Variants in RTN4 observed in about 807,000 individuals in gnomAD.
RTN4 encodes the protein reticulon 4.
RTN4 carries 32 observed loss-of-function variants against 90.4 expected under a neutral mutation model. That is an observed-to-expected ratio of 0.35 (90% CI 0.27 to 0.48). The LOEUF (loss-of-function observed/expected upper bound fraction) is 0.48. RTN4 is among the 20% of genes least tolerant of loss of function. The pLI, the probability that RTN4 is intolerant of heterozygous loss-of-function variation, is 0.99. For synonymous variants in RTN4, 629 were observed against 552.5 expected (o/e 1.14, Z -1.94); for missense variants, 1,706 against 1,430.2 (o/e 1.19, Z -3.11).
upstream of RTN4, among the ~76,000 whole-genome samples, chr2:55,054,407 C>T (rs754903354): frequency 4.1e-4 from 62 of 152,214 alleles, no homozygotes; most frequent in African/African-American, 1.1e-3. Context: ...TACAGCACTA[C>T]GCCAGACACA....
At chr2:55,082,789 T>C (rs1473718865) in intron 1 of RTN4, among the ~76,000 whole-genome samples, 1 of 152,202 alleles carries the variant, frequency 6.6e-6, no homozygotes. Flanking sequence ...ATATGTGTTA[T>C]CTCACTTAAT....
chr2:55,079,795 C>T (rs1668675817), intron 2 of RTN4, among the ~76,000 whole-genome samples: 1 of 152,156 alleles, frequency 6.6e-6, no homozygotes, highest in African/African-American at 2.4e-5. Context: ...TGTCTGAATA[C>T]TGCTGAAATG....
At chr2:54,998,893 G>T (rs954540359) in intron 3 of RTN4, among the ~76,000 whole-genome samples, 4 of 152,054 alleles carry the variant, frequency 2.6e-5, no homozygotes, top group Non-Finnish European at 4.4e-5. Context: ...AACTTTTCTT[G>T]GTTCCTCAAG....
rs1372388542 is a variant in RTN4, at chr2:54,973,575, TC to T, written c.3523del (p.Asp1175MetfsTer13). The T allele has an allele frequency of 2.5e-6, 4 of 1,608,378 alleles. No individual in the cohort carries two copies. In the South Asian group the frequency reaches 4.4e-5, roughly 18 times the overall value. On this transcript the variant is annotated frameshift_variant, in exon 8 of 9. Coordinates refer to ENST00000337526, the MANE Select transcript of RTN4 (RefSeq NM_020532.5). LOFTEE classifies it high-confidence loss of function. Reference sequence around the variant, plus strand: ...TTTAAATACTTACTTAGCCATAGCATCTTTAACATTCTTATTTGCAAGTCCT... The same window carrying T: ...TTTAAATACTTACTTAGCCATAGCATTTTAACATTCTTATTTGCAAGTCCT... ...YLGLANKNVK[D>X]AMAKIQAKIP...
chr2:55,017,339 G>A (rs373507427), intron 3 of RTN4, among the ~76,000 whole-genome samples: 1 of 152,158 alleles, frequency 6.6e-6, no homozygotes, highest in East Asian at 1.9e-4. Flanking sequence ...ATGAACATAT[G>A]TAAGTTCTTA....
chr2:55,047,203 G>A (rs1350800923), intron 1 of RTN4, among the ~76,000 whole-genome samples: 2 of 151,812 alleles, frequency 1.3e-5, no homozygotes, highest in East Asian at 1.9e-4. Context: ...GGTGGCAGGC[G>A]CCTGTAATCC....
upstream of RTN4, among the ~76,000 whole-genome samples, chr2:55,051,270 G>C (rs188648214): frequency 1.4e-3 from 220 of 152,272 alleles, no homozygotes; most frequent in Non-Finnish European, 1.9e-3. Context: ...AAGAGAGTGA[G>C]TCACCCAAAG....
chr2:55,073,496 T>C (rs751649222), intron 2 of RTN4, among the ~76,000 whole-genome samples: 1 of 152,200 alleles, frequency 6.6e-6, no homozygotes, highest in African/African-American at 2.4e-5. Context: ...TGGCAGCAAG[T>C]TGGTATACTT....
chr2:55,071,539 C>A (rs1668512763), intron 2 of RTN4, among the ~76,000 whole-genome samples: 1 of 47,110 alleles, frequency 2.1e-5, no homozygotes, highest in Non-Finnish European at 4.1e-5. Flanking sequence ...GCACCATTTG[C>A]CATCAAAAAA....
At chr2:55,093,103 A>C (rs1668970406) in intron 1 of RTN4, among the ~76,000 whole-genome samples, 1 of 152,228 alleles carries the variant, frequency 6.6e-6, no homozygotes, top group Non-Finnish European at 1.5e-5. Context: ...AGCTGCTTGA[A>C]AATGTCTGTG....
At position 54,982,585 on chromosome 2, in the gene RTN4, C is replaced by T. The variant is rs899771756; in HGVS notation, c.3290G>A (p.Gly1097Asp). The T allele has an allele frequency of 1.2e-6, 2 of 1,613,600 alleles. No individual in the cohort carries two copies. The highest frequency in any genetic ancestry group is 1.3e-5 in the African/African-American group (1 of 74,866). ...TTCCTTTATCGTGCAGTTCACATGA[C>T]CAAGAGCAGAATTACTGTACTTCTG... The part of the protein sequence containing the change: ...LVQKYSNSAL[G>D]HVNCTIKELR... The change falls in exon 5 of 9, where the codon GGT becomes GAT. Residue 1097 changes from glycine to aspartate, a missense_variant. Physicochemically the swap from Gly to Asp is moderately conservative, Grantham distance 94 (BLOSUM62 -1). Coordinates refer to ENST00000337526, the MANE Select transcript of RTN4 (RefSeq NM_020532.5).
chr2:55,027,458 C>T lies in RTN4; in HGVS notation c.641G>A (p.Gly214Asp). The change falls in exon 3 of 9, where the codon GGT becomes GAT. Residue 214 changes from glycine (G) to aspartate (D), a missense_variant. By Grantham distance (94) the Gly-to-Asp change is moderately conservative. Coordinates refer to ENST00000337526, the MANE Select transcript of RTN4 (RefSeq NM_020532.5). ...AENMDLKEQP[G>D]NTISAGQEDF... ...CTCTTGACCAGCCGAAATAGTGTTA[C>T]CTGGCTGCTCCTTCAAGTCCATATT... 6.2e-7 allele frequency: 1 copy of T among 1,609,050 alleles called. No individual in the cohort carries two copies.
At chr2:55,002,884 T>C (rs11894868) in intron 3 of RTN4, among the ~76,000 whole-genome samples, 4,105 of 152,284 alleles carry the variant, frequency 0.027, 65 homozygotes, top group East Asian at 0.05. Context: ...GTTACTAGAA[T>C]TGATCAAGAC....
At chr2:55,111,018 G>A (rs541616346) in intron 1 of RTN4, among the ~76,000 whole-genome samples, 105 of 152,246 alleles carry the variant, frequency 6.9e-4, no homozygotes, top group South Asian at 2.9e-3. Flanking sequence ...TCCAGCCGGG[G>A]CAACTGAGTA....
chr2:55,026,202 G>C lies in RTN4; in HGVS notation c.1897C>G (p.Gln633Glu), dbSNP rs550124697. The change falls in exon 3 of 9, where the codon CAG becomes GAG. Residue 633 changes from glutamine to glutamate, a missense_variant. By Grantham distance (29) the Gln-to-Glu change is conservative (BLOSUM62 2). Transcript: ENST00000337526. ...AVPSAGASVIQPSSSPLEASS... is the reference protein window; with the variant it reads ...AVPSAGASVIEPSSSPLEASS... ...GCTTCTAATGGTGATGAGCTGGGCT[G>C]TATCACGGAAGCACCAGCACTAGGA... 1.2e-5 allele frequency: 19 copies of C among 1,613,532 alleles called. No individual in the cohort carries two copies. The South Asian group carries it at 1.9e-4, about 16-fold the overall frequency.
intron 1 of RTN4, among the ~76,000 whole-genome samples, chr2:55,035,315 C>T (rs1234839551): frequency 6.6e-6 from 1 of 152,110 alleles, no homozygotes; most frequent in Non-Finnish European, 1.5e-5. Context: ...ATCATGCAGT[C>T]TATGTTCTAC....
At chr2:55,095,945 T>C (rs1669024537) in intron 1 of RTN4, among the ~76,000 whole-genome samples, 1 of 152,226 alleles carries the variant, frequency 6.6e-6, no homozygotes, top group Non-Finnish European at 1.5e-5. Flanking sequence ...TTGGGATTTA[T>C]CTGATGCTTT....
intron 1 of RTN4, among the ~76,000 whole-genome samples, chr2:55,092,849 TG>T (rs1323732121): frequency 6.6e-6 from 1 of 152,244 alleles, no homozygotes; most frequent in African/African-American, 2.4e-5. Flanking sequence ...AAAATTCACA[TG>T]GGGTGAAGTT....
chr2:55,071,517 G>C (rs955191790), intron 2 of RTN4, among the ~76,000 whole-genome samples: 1 of 130,224 alleles, frequency 7.7e-6, no homozygotes, highest in African/African-American at 2.8e-5. Context: ...TTGTGTTGCT[G>C]GTATAGGAGA....
Sources: allele counts gnomAD v4.1 joint callset (sites outside exome capture counted in the v4.1 genomes callset), GRCh38; gene constraint gnomAD v4.1.1; transcripts MANE v1.5; gene names NCBI Gene and HGNC (gene_info 2026-07-23, HGNC 2026-07-21).